SRPK2: variants seen among roughly 807,000 people sequenced by gnomAD.
The protein encoded by SRPK2 is SRSF protein kinase 2, also known as SFRS protein kinase 2.
SRPK2 carries 21 observed loss-of-function variants against 90.8 expected under a neutral mutation model. That is an observed-to-expected ratio of 0.23 (90% confidence interval 0.16 to 0.33). SRPK2 has a LOEUF of 0.33. Among genes scored for constraint, SRPK2 ranks in the 10% least tolerant of loss-of-function variants. The pLI, the probability that SRPK2 is intolerant of heterozygous loss-of-function variation, is 1.00. For missense variants in SRPK2, 620 were observed against 869.0 expected (o/e 0.71, Z 3.60); for synonymous variants, 288 against 311.1 (o/e 0.93, Z 0.78).
At chr7:105,337,086 G>C (rs1815183102) in intron 2 of SRPK2, among the ~76,000 whole-genome samples, 1 of 152,078 alleles carries the variant, frequency 6.6e-6, no homozygotes. Flanking sequence ...ACAGGCATGA[G>C]CCACCCATGC....
At chr7:105,245,017 A>AAAAAC (rs1295307519) in intron 2 of SRPK2, 2 of 757,874 alleles carry the variant, frequency 2.6e-6, no homozygotes, top group Admixed American at 2.1e-5. Flanking sequence ...GCTTGAGAGG[A>AAAAAC]AAAACAAAAC....
rs146923308 is a variant in SRPK2 at position 105,332,159 on chromosome 7, C to T, written c.71+56489G>A. On this transcript the variant is annotated intron_variant, in intron 2 of 15. Coordinates refer to ENST00000393651, the MANE Select transcript of SRPK2 (RefSeq NM_182692.3). ...ACCAAGAAAAACACAGCTTCCCACA[C>T]AACAAATCATCAACAAAGGGAAATG... 2.5e-3 allele frequency among the ~76,000 whole-genome samples: 386 copies of T among 152,204 alleles called. 1 individual carries two copies. The highest frequency in any genetic ancestry group is 6.0e-3 in the Admixed American group (91 of 15,284).
chr7:105,354,156 G>C (rs1347112067), intron 2 of SRPK2, among the ~76,000 whole-genome samples: 1 of 152,308 alleles, frequency 6.6e-6, no homozygotes, highest in East Asian at 1.9e-4. Flanking sequence ...ATCAGAGATG[G>C]GTTTGGGGCT....
intron 2 of SRPK2, among the ~76,000 whole-genome samples, chr7:105,270,636 T>C (rs533267576): frequency 4.3e-4 from 65 of 152,128 alleles, no homozygotes; most frequent in Non-Finnish European, 8.2e-4. Context: ...CTTGAACTCC[T>C]GACCTCAGAT....
chr7:105,351,486 C>T (rs931490751), intron 2 of SRPK2, among the ~76,000 whole-genome samples: 2 of 145,562 alleles, frequency 1.4e-5, no homozygotes, highest in Non-Finnish European at 3.0e-5. Flanking sequence ...AGTTACACTC[C>T]GTCTCAAAAA....
chr7:105,293,700 G>A (rs528320232), intron 2 of SRPK2, among the ~76,000 whole-genome samples: 53 of 152,224 alleles, frequency 3.5e-4, no homozygotes, highest in African/African-American at 1.2e-3. Flanking sequence ...GATTACAGGC[G>A]TGAGCCACCA....
intron 2 of SRPK2, among the ~76,000 whole-genome samples, chr7:105,311,819 A>G (rs1267659311): frequency 1.3e-5 from 2 of 152,216 alleles, no homozygotes; most frequent in African/African-American, 4.8e-5. Flanking sequence ...CTCAAAAACT[A>G]AAGCACAAAA....
rs2129576887 is a variant in SRPK2, at chr7:105,143,401, C to CATGGCAA, written c.814-78_814-72dup. The CATGGCAA allele has an allele frequency of 2.0e-6, 3 of 1,537,548 alleles. No individual in the cohort carries two copies. In the East Asian group the frequency reaches 6.7e-5, roughly 35 times the overall value. On this transcript the variant is annotated intron_variant, in intron 9 of 15. Coordinates refer to ENST00000393651, the MANE Select transcript of SRPK2 (RefSeq NM_182692.3). ...ACCACGATAGTATAACGACTAGCAG[C>CATGGCAA]ATGGCAAATAGCAATAAACTCTGCT...
intron 2 of SRPK2, among the ~76,000 whole-genome samples, chr7:105,331,695 C>T (rs1251570720): frequency 6.6e-6 from 1 of 152,128 alleles, no homozygotes; most frequent in Admixed American, 6.6e-5. Flanking sequence ...GAACTGAAAT[C>T]TACCGGAAAA....
chr7:105,232,458 TA>T (rs10533429), intron 2 of SRPK2, among the ~76,000 whole-genome samples: 5,529 of 129,792 alleles, frequency 0.043, 146 homozygotes, highest in East Asian at 0.22. Flanking sequence ...AAACCTTATC[TA>T]AAAAAAAAAA....
intron 2 of SRPK2, among the ~76,000 whole-genome samples, chr7:105,365,785 C>CT (rs545242601): frequency 7.3e-4 from 111 of 151,654 alleles, no homozygotes; most frequent in African/African-American, 2.5e-3. Context: ...GAACAAAACT[C>CT]TATCTTTTAA....
intron 2 of SRPK2, among the ~76,000 whole-genome samples, chr7:105,369,165 G>A (rs7792628): frequency 0.48 from 65,814 of 135,932 alleles, 15,919 homozygotes; most frequent in South Asian, 0.57. Flanking sequence ...ATTATTATTC[G>A]AGATAGAGTC....
chr7:105,247,837 T>TA (rs1316102203), intron 2 of SRPK2, among the ~76,000 whole-genome samples: 3 of 152,008 alleles, frequency 2.0e-5, no homozygotes, highest in African/African-American at 7.2e-5. Context: ...ACTGGGATTA[T>TA]AGGGCATGAG....
At chr7:105,134,839 G>A (rs1043699587) in intron 11 of SRPK2, among the ~76,000 whole-genome samples, 1 of 152,188 alleles carries the variant, frequency 6.6e-6, no homozygotes, top group Non-Finnish European at 1.5e-5. Flanking sequence ...AATCAAATGA[G>A]CCAGCCAGGT....
At chr7:105,145,150 C>G (rs1804398798) in intron 9 of SRPK2, 133 bp downstream of exon 9, 1 of 492,750 alleles carries the variant, frequency 2.0e-6, no homozygotes, top group Admixed American at 4.4e-5. Flanking sequence ...TAAGTCTTAC[C>G]TATTTGAGGA....
intron 10 of SRPK2, among the ~76,000 whole-genome samples, chr7:105,142,874 A>T (rs1803996292): frequency 6.6e-6 from 1 of 152,274 alleles, no homozygotes; most frequent in Non-Finnish European, 1.5e-5. Flanking sequence ...TTACATTTTT[A>T]AAAACTATTT....
At chr7:105,200,476 G>C (rs1795411880) in intron 3 of SRPK2, among the ~76,000 whole-genome samples, 1 of 152,114 alleles carries the variant, frequency 6.6e-6, no homozygotes, top group Non-Finnish European at 1.5e-5. Flanking sequence ...GAATTTATCA[G>C]TCCACCCGAG....
At chr7:105,393,235 A>G (rs534794232), upstream of SRPK2, among the ~76,000 whole-genome samples, 3 of 150,342 alleles carry the variant, frequency 2.0e-5, no homozygotes, top group Non-Finnish European at 4.4e-5. Context: ...ACCTCAAGTG[A>G]TCTGCCTGCC....
chr7:105,335,797 A>C (rs1815028707), intron 2 of SRPK2, among the ~76,000 whole-genome samples: 1 of 151,964 alleles, frequency 6.6e-6, no homozygotes, highest in African/African-American at 2.4e-5. Flanking sequence ...CTACTAAAAA[A>C]AACAAAAAAT....
Sources: gnomAD v4.1 joint callset for allele counts (sites outside exome capture counted in the v4.1 genomes callset) on GRCh38, gnomAD v4.1.1 for gene constraint, MANE v1.5 for transcripts, NCBI Gene and HGNC (gene_info 2026-07-23, HGNC 2026-07-21) for gene names.